Variants in HSD17B4 observed in about 807,000 individuals in gnomAD.
The protein encoded by HSD17B4 is peroxisomal multifunctional enzyme type 2.
In HSD17B4, 70 loss-of-function variants were observed where a neutral mutation model predicts 101.0. The ratio of observed to expected loss-of-function variants is 0.69; its 90% confidence interval spans 0.57 to 0.85. HSD17B4 has a LOEUF of 0.85. Ranked by LOEUF, HSD17B4 falls within the 40% of genes least tolerant of loss-of-function variation. The pLI is 0.00. For synonymous variants in HSD17B4, 347 were observed against 297.1 expected, an observed-to-expected ratio of 1.17 and a Z score of -1.73; for missense variants, 984 against 892.4, an observed-to-expected ratio of 1.10 and a Z score of -1.31.
Position 119,494,325 on chromosome 5 carries a change from T to TTTTCTTTCTTTCTTTC in HSD17B4, c.868+429_868+444dup, listed in dbSNP as rs66578057. ...TTCTCTTTCTTCCTTTCTTTCTTTCTTTTCTTTCTTTCTTTCTTTCTTTCT... is the reference window on the plus strand; with the variant it reads ...TTCTCTTTCTTCCTTTCTTTCTTTCTTTTCTTTCTTTCTTTCTTTCTTTCTTTCTTTCTTTCTTTCT... On this transcript the variant is annotated intron_variant, in intron 11 of 23. Transcript: ENST00000510025. 1.6e-3 allele frequency among the ~76,000 whole-genome samples: 182 copies of TTTTCTTTCTTTCTTTC among 111,612 alleles called. 3 individuals carry two copies. The highest frequency in any genetic ancestry group is 4.4e-3 in the East Asian group (17 of 3,844). The allele number at this position is 111,612 out of a possible 152,430, so 73.2% of individuals were successfully genotyped here. A position where few individuals can be genotyped will look rare whatever the true frequency, so the allele number is the denominator to read the frequency against.
intron 9 of HSD17B4, 64 bp downstream of exon 9, chr5:119,489,347 G>A: frequency 1.0e-6 from 1 of 998,314 alleles, no homozygotes; most frequent in Non-Finnish European, 1.6e-6. Flanking sequence ...GTAAAAATCT[G>A]TACCAGTGGA....
intron 13 of HSD17B4, among the ~76,000 whole-genome samples, chr5:119,501,017 C>G (rs1009769184): frequency 1.3e-5 from 2 of 151,998 alleles, no homozygotes; most frequent in Non-Finnish European, 2.9e-5. Context: ...TTGATGGCCA[C>G]TTATTTTATT....
chr5:119,464,300 C>G (rs1755584462), intron 2 of HSD17B4, among the ~76,000 whole-genome samples: 1 of 151,992 alleles, frequency 6.6e-6, no homozygotes, highest in Non-Finnish European at 1.5e-5. Flanking sequence ...ATGTTTTCTT[C>G]TAGTAGTTTC....
intron 12 of HSD17B4, among the ~76,000 whole-genome samples, chr5:119,497,979 A>C (rs377351564): frequency 6.6e-6 from 1 of 152,114 alleles, no homozygotes; most frequent in African/African-American, 2.4e-5. Context: ...GGAAGCATCG[A>C]TATTGTATTT....
chr5:119,477,719 C>G (rs1748723172), intron 7 of HSD17B4: 5 of 527,352 alleles, frequency 9.5e-6, no homozygotes, highest in Admixed American at 6.4e-5. Flanking sequence ...TTTTTTACCT[C>G]TTTTTGTTAT....
At chr5:119,452,727 C>T (rs1754180931) in intron 1 of HSD17B4, 94 bp downstream of exon 1, 1 of 1,603,840 alleles carries the variant, frequency 6.2e-7, no homozygotes, top group Non-Finnish European at 8.5e-7. Flanking sequence ...CAGCTGAGGT[C>T]ACCCCGCTGA....
chr5:119,477,455 G>C lies in HSD17B4; in HGVS notation c.388G>C (p.Val130Leu). 6.2e-7 allele frequency: 1 copy of C among 1,613,088 alleles called. No homozygotes were observed. Among genetic ancestry groups the C allele is most frequent in the Non-Finnish European group, 8.5e-7 (1 of 1,179,186 alleles). The stretch of plus-strand genomic sequence containing the variant: ...AGTTCATTTGCGGGGTTCATTCCAA[G>C]TGACACGGGCAGCATGGGAACACAT... Reference protein sequence around the residue: ...HRVHLRGSFQVTRAAWEHMKK... With the variant: ...HRVHLRGSFQLTRAAWEHMKK... Residue 130 changes from valine to leucine, a missense_variant, in exon 7 of 24, where the codon GTG (valine) becomes CTG (leucine). Coordinates refer to ENST00000510025, the MANE Select transcript of HSD17B4 (RefSeq NM_000414.4).
chr5:119,522,763 G>GT (rs1385291803), intron 17 of HSD17B4, among the ~76,000 whole-genome samples: 23 of 151,996 alleles, frequency 1.5e-4, no homozygotes, highest in African/African-American at 5.6e-4. Context: ...GTCTCCAAAG[G>GT]TGATATCTTT....
intron 4 of HSD17B4, 74 bp downstream of exon 4, chr5:119,474,534 T>C: frequency 1.1e-6 from 1 of 888,956 alleles, no homozygotes. Context: ...AAGTTGACTT[T>C]CATTTACTAA....
chr5:119,511,045 G>A (rs555280685), intron 16 of HSD17B4, among the ~76,000 whole-genome samples: 10 of 152,266 alleles, frequency 6.6e-5, no homozygotes, highest in Middle Eastern at 3.4e-3. Context: ...TGGAGGTTCC[G>A]TGGTTGGAGA....
At chr5:119,457,079 T>G (rs917682576) in intron 2 of HSD17B4, among the ~76,000 whole-genome samples, 22 of 152,196 alleles carry the variant, frequency 1.4e-4, no homozygotes, top group Non-Finnish European at 4.4e-5. Flanking sequence ...TGAAGAATCC[T>G]AAAGGTGGGA....
At position 119,456,365 on chromosome 5, in the gene HSD17B4, G is replaced by T. The variant is rs747214551; in HGVS notation, c.109G>T (p.Val37Phe). 6.3e-7 allele frequency: 1 copy of T among 1,596,196 alleles called. No homozygotes were observed. Among genetic ancestry groups the T allele is most frequent in the Non-Finnish European group, 8.6e-7 (1 of 1,163,628 alleles). The change falls in exon 2 of 24, where the codon GTT (valine) becomes TTT (phenylalanine). Residue 37 changes from valine to phenylalanine, a missense_variant. Val to Phe is a conservative substitution (Grantham distance 50). Coordinates refer to ENST00000510025, the MANE Select transcript of HSD17B4 (RefSeq NM_000414.4). ...TTTTGCAGAAAGAGGAGCGTTAGTT[G>T]TTGGTAAGTTGGTGTGTTTTTCTTT... ...LAFAERGALV[V>F]VNDLGGDFKG... is the part of the protein sequence containing the mutation.
chr5:119,472,125 T>C (rs1756433769), intron 2 of HSD17B4, among the ~76,000 whole-genome samples: 1 of 152,348 alleles, frequency 6.6e-6, no homozygotes, highest in East Asian at 1.9e-4. Context: ...TATGTAATTT[T>C]TGACCTCTTT....
rs1488197968 is a variant in HSD17B4, at chr5:119,527,163, C to G, written c.1711C>G (p.Gln571Glu). The change falls in exon 20 of 24, where the codon CAA becomes GAA. Residue 571 changes from glutamine to glutamate, a missense_variant. Coordinates refer to ENST00000510025, the MANE Select transcript of HSD17B4 (RefSeq NM_000414.4). ...TTTTGCAAAACCAGTATATCCAGGA[C>G]AAACTCTACAAACTGAGATGTGGAA... Reference protein sequence around the residue: ...ARFAKPVYPGQTLQTEMWKEG... With the variant: ...ARFAKPVYPGETLQTEMWKEG... 3 of 1,607,584 alleles carry G rather than the reference C, an allele frequency of 1.9e-6. No homozygotes were observed. In the African/African-American group the frequency reaches 4.0e-5, roughly 22 times the overall value.
At chr5:119,526,089 G>A in intron 19 of HSD17B4, 66 bp downstream of exon 19, 1 of 913,750 alleles carries the variant, frequency 1.1e-6, no homozygotes. Context: ...AAGAAAAGGG[G>A]TTTTAGTGAT....
intron 17 of HSD17B4, among the ~76,000 whole-genome samples, chr5:119,516,376 G>T (rs563789037): frequency 1.3e-5 from 2 of 152,134 alleles, no homozygotes; most frequent in Admixed American, 1.3e-4. Flanking sequence ...AAATATATCT[G>T]CTACAAATAA....
chr5:119,520,533 A>G (rs1479048704), intron 17 of HSD17B4, among the ~76,000 whole-genome samples: 1 of 152,198 alleles, frequency 6.6e-6, no homozygotes, highest in Non-Finnish European at 1.5e-5. Flanking sequence ...CCACTTTGCT[A>G]TATTCGAGAT....
rs143002162 is a variant in HSD17B4 at position 119,521,536 on chromosome 5, A to C, written c.1504-3680A>C. ...TTGAATCTTTTCATGTCTTTCAACT[A>C]CTTTTCTTCTGTTCTTTTTTAGTTG... On this transcript the variant is annotated intron_variant, in intron 17 of 23. Transcript: ENST00000510025. 6.8e-4 allele frequency among the ~76,000 whole-genome samples: 104 copies of C among 152,070 alleles called. 1 individual carries two copies. Among genetic ancestry groups the C allele is most frequent in the Admixed American group, 6.0e-3 (91 of 15,268 alleles).
At chr5:119,479,611 C>A (rs1748928759) in intron 8 of HSD17B4, among the ~76,000 whole-genome samples, 2 of 152,142 alleles carry the variant, frequency 1.3e-5, no homozygotes, top group Admixed American at 1.3e-4. Context: ...CCCTAAAAAT[C>A]CCCTGTGCTT....
Sources: gnomAD v4.1 joint callset for allele counts (sites outside exome capture counted in the v4.1 genomes callset) on GRCh38, gnomAD v4.1.1 for gene constraint, MANE v1.5 for transcripts, NCBI Gene and HGNC (gene_info 2026-07-23, HGNC 2026-07-21) for gene names.